The following GCNT2 variants were observed in gnomAD, a reference collection of about 807,000 sequenced individuals.
GCNT2 encodes the protein glucosaminyl (N-acetyl) transferase 2 (I blood group).
A neutral mutation model predicts 34.2 loss-of-function variants in GCNT2; 34 were observed. That is an observed-to-expected ratio of 1.00 (90% CI 0.76 to 1.32). GCNT2 has a LOEUF of 1.32. GCNT2 is among the 40% of genes most tolerant of loss of function. The pLI is 0.00. For synonymous variants in GCNT2, 212 were observed against 188.0 expected, an observed-to-expected ratio of 1.13 and a Z score of -1.04; for missense variants, 584 against 489.4, an observed-to-expected ratio of 1.19 and a Z score of -1.82.
chr6:10,552,876 G>A (rs1487501470), intron 3 of GCNT2, among the ~76,000 whole-genome samples: 2 of 152,152 alleles, frequency 1.3e-5, no homozygotes, highest in South Asian at 4.1e-4. Flanking sequence ...AGCAAGCCAC[G>A]TAAAAATACC....
At chr6:10,557,394 G>T (rs1762770826) in intron 3 of GCNT2, 1 of 1,438,782 alleles carries the variant, frequency 7.0e-7, no homozygotes, top group Non-Finnish European at 9.8e-7. Context: ...ATTTGAAAGG[G>T]CTTTAGAATA....
chr6:10,538,723 G>A (rs1017271425), intron 3 of GCNT2, among the ~76,000 whole-genome samples: 1 of 151,856 alleles, frequency 6.6e-6, no homozygotes, highest in Non-Finnish European at 1.5e-5. Context: ...TGCATTTTAT[G>A]TATCCATATA....
chr6:10,530,985 C>T (rs1021587949), intron 3 of GCNT2, among the ~76,000 whole-genome samples: 6 of 146,980 alleles, frequency 4.1e-5, no homozygotes, highest in African/African-American at 7.6e-5. Flanking sequence ...ACCCAGGAGG[C>T]GGAGGTTGCA....
chr6:10,528,752 A>G lies in GCNT2; in HGVS notation c.-160A>G. The G allele has an allele frequency of 3.0e-6, 2 of 667,456 alleles. No individual in the cohort carries two copies. The highest frequency in any genetic ancestry group is 1.7e-5 in the South Asian group (1 of 60,004). The allele number at this position is 667,456 out of a possible 1,614,324, so 41.3% of individuals were successfully genotyped here. A position where few individuals can be genotyped will look rare whatever the true frequency, so the allele number is the denominator to read the frequency against. On this transcript the variant is annotated 5_prime_UTR_variant, in exon 3 of 5. Transcript: ENST00000495262. ...AAGTGAAGAGGGGAAGAAGAAAGAAAAAGGACCAGAACCGTGAACTGAAGG... is the reference window on the plus strand; with the variant it reads ...AAGTGAAGAGGGGAAGAAGAAAGAAGAAGGACCAGAACCGTGAACTGAAGG...
rs1761382392 is a variant in GCNT2 at position 10,529,654 on chromosome 6, CAAAATT to C, written c.748_753del (p.Leu250_Lys251del). The C allele has an allele frequency of 1.2e-6, 2 of 1,614,076 alleles. No individual in the cohort carries two copies. Among genetic ancestry groups the C allele is most frequent in the Non-Finnish European group, 1.7e-6 (2 of 1,179,994 alleles). ...AAAAATTCCTACGTGATTAAAACAA[CAAAATT>C]AAAAACTCCTCCTCCTCATGACATG... On this transcript the variant is annotated inframe_deletion, in exon 3 of 5. Transcript: ENST00000495262.
intron 3 of GCNT2, among the ~76,000 whole-genome samples, chr6:10,543,586 G>T (rs141817029): frequency 3.3e-5 from 5 of 152,138 alleles, no homozygotes; most frequent in East Asian, 1.9e-4. Context: ...GTGTATGAGG[G>T]TTCCAATTTT....
chr6:10,568,647 C>G (rs1291079015), intron 3 of GCNT2, among the ~76,000 whole-genome samples: 1 of 152,208 alleles, frequency 6.6e-6, no homozygotes, highest in Non-Finnish European at 1.5e-5. Flanking sequence ...GTATAGACAT[C>G]TCAACATGGC....
intron 3 of GCNT2, among the ~76,000 whole-genome samples, chr6:10,561,862 G>C (rs192654966): frequency 9.3e-5 from 14 of 150,174 alleles, no homozygotes; most frequent in Admixed American, 9.3e-4. Context: ...CTCAACCTCA[G>C]AAGGGATCAC....
chr6:10,532,850 G>A (rs1761560356), intron 3 of GCNT2, among the ~76,000 whole-genome samples: 1 of 151,114 alleles, frequency 6.6e-6, no homozygotes, highest in Non-Finnish European at 1.5e-5. Context: ...CGGCTATGTG[G>A]AGATCTGAGC....
At chr6:10,568,069 C>T (rs759012082) in intron 3 of GCNT2, among the ~76,000 whole-genome samples, 22 of 152,170 alleles carry the variant, frequency 1.4e-4, no homozygotes, top group Non-Finnish European at 2.5e-4. Flanking sequence ...AAACATCCTC[C>T]TCAGTTCTTG....
chr6:10,531,429 C>T (rs946502636), intron 3 of GCNT2, among the ~76,000 whole-genome samples: 2 of 152,210 alleles, frequency 1.3e-5, no homozygotes, highest in South Asian at 4.1e-4. Flanking sequence ...ATGCACATTA[C>T]GATCATCTGG....
intron 3 of GCNT2, among the ~76,000 whole-genome samples, chr6:10,537,345 C>T (rs777791543): frequency 4.6e-5 from 7 of 152,092 alleles, no homozygotes; most frequent in African/African-American, 1.4e-4. Context: ...AGATGCTCTT[C>T]GACTTACAGC....
Position 10,525,813 on chromosome 6 carries a change from G to T in GCNT2, c.-468-1661G>T, listed in dbSNP as rs550523868. Among the ~76,000 whole-genome samples the T allele has an allele frequency of 3.8e-4, 58 of 152,272 alleles. No homozygotes were observed. The South Asian group carries it at 0.012, about 30-fold the overall frequency. Reference sequence around the variant, plus strand: ...ACAAAATACAAGTGTTCGTTACCCTGCAACTAAATCCAGTGAGTTGTAAAT... The same window carrying T: ...ACAAAATACAAGTGTTCGTTACCCTTCAACTAAATCCAGTGAGTTGTAAAT... On this transcript the variant is annotated intron_variant, in intron 1 of 4. Transcript: ENST00000495262.
At chr6:10,588,899 TGTG>T (rs1333572668) in intron 3 of GCNT2, among the ~76,000 whole-genome samples, 2 of 114,424 alleles carry the variant, frequency 1.7e-5, no homozygotes, top group Admixed American at 1.8e-4. Flanking sequence ...GCGTGTGTGT[TGTG>T]TGGTGTGTGT....
chr6:10,542,890 A>ATTTTTTT (rs1554127845), intron 3 of GCNT2, among the ~76,000 whole-genome samples: 1 of 107,512 alleles, frequency 9.3e-6, no homozygotes, highest in African/African-American at 4.5e-5. Flanking sequence ...CCCTATGTTA[A>ATTTTTTT]TTCTTTTTTT....
Position 10,529,581 on chromosome 6 carries a change from C to A in GCNT2, c.670C>A (p.His224Asn). ...NITPGVLPPD[H>N]AVGRTKYVHQ... Reference sequence around the variant, plus strand: ...CACCCCCGGAGTGCTGCCTCCTGACCACGCTGTTGGACGGACTAAATACGT... The same window carrying A: ...CACCCCCGGAGTGCTGCCTCCTGACAACGCTGTTGGACGGACTAAATACGT... The change falls in exon 3 of 5, where the codon CAC becomes AAC. Residue 224 changes from histidine to asparagine, a missense_variant. Transcript: ENST00000495262. The A allele has an allele frequency of 6.2e-7, 1 of 1,614,110 alleles. No homozygotes were observed. The highest frequency in any genetic ancestry group is 1.1e-5 in the South Asian group (1 of 91,072).
chr6:10,537,977 G>A (rs1158922653), intron 3 of GCNT2, among the ~76,000 whole-genome samples: 1 of 151,972 alleles, frequency 6.6e-6, no homozygotes, highest in Non-Finnish European at 1.5e-5. Flanking sequence ...CGGGAGCTGG[G>A]GTGGCCTGCC....
chr6:10,578,821 T>TTTGTTG lies in GCNT2; in HGVS notation c.926-42518_926-42513dup, dbSNP rs554215883. On this transcript the variant is annotated intron_variant, in intron 3 of 4. Transcript: ENST00000495262. ...AAAAATGAAGTTAACTTAGATCCAT[T>TTTGTTG]TTGTTGTTGTTGTTGTTAAGATCAT... 5.2e-3 allele frequency among the ~76,000 whole-genome samples: 794 copies of TTTGTTG among 152,108 alleles called. 6 individuals carry two copies. Among genetic ancestry groups the TTTGTTG allele is most frequent in the African/African-American group, 0.018 (764 of 41,496 alleles).
chr6:10,603,301 G>A (rs879328489), intron 3 of GCNT2, among the ~76,000 whole-genome samples: 18 of 152,248 alleles, frequency 1.2e-4, no homozygotes, highest in East Asian at 7.7e-4. Context: ...TAATAGTTAC[G>A]TTATTGTCAT....
Sources: gnomAD v4.1 joint callset for allele counts (sites outside exome capture counted in the v4.1 genomes callset) on GRCh38, gnomAD v4.1.1 for gene constraint, MANE v1.5 for transcripts, NCBI Gene and HGNC (gene_info 2026-07-23, HGNC 2026-07-21) for gene names.